The following ZSWIM6 variants were observed in gnomAD, a reference collection of about 807,000 sequenced individuals.
ZSWIM6 encodes the protein zinc finger SWIM domain-containing protein 6.
ZSWIM6 carries 9 observed loss-of-function variants against 113.2 expected under a neutral mutation model. That is an observed-to-expected ratio of 0.08 (90% CI 0.05 to 0.14). The LOEUF is 0.14. Among genes scored for constraint, ZSWIM6 ranks in the 10% least tolerant of loss-of-function variants. The probability of loss-of-function intolerance (pLI) is 1.00; values close to 1 mark genes in which losing one functional copy is unlikely to be tolerated. For missense variants in ZSWIM6, 1,162 were observed against 1,552.2 expected, an observed-to-expected ratio of 0.75 and a Z score of 4.22; for synonymous variants, 611 against 606.5, an observed-to-expected ratio of 1.01 and a Z score of -0.11.
chr5:61,391,145 T>C, intron 1 of ZSWIM6: 1 of 781,532 alleles, frequency 1.3e-6, no homozygotes, highest in South Asian at 1.3e-5. Context: ...CGATGGGTCT[T>C]GTGGGGTAGC....
At chr5:61,421,766 T>C (rs149999767) in intron 1 of ZSWIM6, among the ~76,000 whole-genome samples, 12 of 152,374 alleles carry the variant, frequency 7.9e-5, no homozygotes, top group African/African-American at 2.6e-4. Context: ...TTGCTAAGAA[T>C]AGTGGCCTGT....
intron 1 of ZSWIM6, among the ~76,000 whole-genome samples, chr5:61,373,372 CTTTTTTTTTTT>C (rs748556109): frequency 1.9e-5 from 2 of 102,968 alleles, no homozygotes; most frequent in African/African-American, 4.1e-5. Context: ...CTCAGTATTT[CTTTTTTTTTTT>C]TTTTTTTTTT....
chr5:61,365,485 T>TA (rs372257965), intron 1 of ZSWIM6, among the ~76,000 whole-genome samples: 288 of 152,334 alleles, frequency 1.9e-3, no homozygotes, highest in African/African-American at 6.6e-3. Context: ...CAGTCCTTGA[T>TA]ATAGTTGCTG....
At chr5:61,420,934 T>A (rs1579987791) in intron 1 of ZSWIM6, among the ~76,000 whole-genome samples, 1 of 151,752 alleles carries the variant, frequency 6.6e-6, no homozygotes, top group Admixed American at 6.6e-5. Context: ...TTTTTCCTTC[T>A]TTTGAGATGG....
intron 1 of ZSWIM6, among the ~76,000 whole-genome samples, chr5:61,397,905 CTA>C (rs1579975222): frequency 6.6e-6 from 1 of 152,208 alleles, no homozygotes; most frequent in Non-Finnish European, 1.5e-5. Flanking sequence ...ATTAATGTAA[CTA>C]TTAAGAGACT....
At chr5:61,508,519 T>C (rs1748689831) in intron 4 of ZSWIM6, among the ~76,000 whole-genome samples, 1 of 152,198 alleles carries the variant, frequency 6.6e-6, no homozygotes, top group East Asian at 1.9e-4. Flanking sequence ...ATTCTTATAC[T>C]CATTTGCAAA....
intron 2 of ZSWIM6, among the ~76,000 whole-genome samples, chr5:61,476,357 T>C (rs1747706722): frequency 6.6e-6 from 1 of 152,138 alleles, no homozygotes; most frequent in African/African-American, 2.4e-5. Flanking sequence ...TCAAGGAGAA[T>C]GAGTCTACTG....
chr5:61,491,064 A>G lies in ZSWIM6; in HGVS notation c.1182+130A>G, dbSNP rs1358001082. On this transcript the variant is annotated intron_variant, in intron 3 of 13. Transcript: ENST00000252744. ...GAACAGGGTCTTAGCTGACCAATAG[A>G]AACTTTTGTATTGTAATGCAAGCTA... The G allele has an allele frequency of 4.9e-6, 4 of 811,780 alleles. No individual in the cohort carries two copies. In the African/African-American group the frequency reaches 7.2e-5, roughly 15 times the overall value. The allele number at this position is 811,780 out of a possible 1,614,324, so 50.3% of individuals were successfully genotyped here.
Position 61,332,753 on chromosome 5 carries a change from GCAACCT to G in ZSWIM6, c.483_488del (p.Thr162_Ser163del), listed in dbSNP as rs1744284627. 2 of 2,520 alleles carry G rather than the reference GCAACCT, an allele frequency of 7.9e-4. No individual in the cohort carries two copies. Among genetic ancestry groups the G allele is most frequent in the Admixed American group, 0.019 (2 of 106 alleles). The allele number at this position is 2,520 out of a possible 1,614,324, so 0.2% of individuals were successfully genotyped here. ...CGGCGGCTCCTCGTCTTCCCCGGCC[GCAACCT>G]CGGCGGCCGCAACCTCGGCCGCCGC... On this transcript the variant is annotated inframe_deletion, in exon 1 of 14. Transcript: ENST00000252744.
chr5:61,501,194 C>T (rs567361370), intron 4 of ZSWIM6, among the ~76,000 whole-genome samples: 1 of 152,270 alleles, frequency 6.6e-6, no homozygotes, highest in African/African-American at 2.4e-5. Flanking sequence ...AAACTCAGAA[C>T]TCTGTATTCT....
intron 1 of ZSWIM6, chr5:61,375,974 C>G: frequency 1.7e-6 from 1 of 582,002 alleles, no homozygotes; most frequent in Admixed American, 3.4e-5. Flanking sequence ...AGAATTATTC[C>G]TGGACTATTC....
chr5:61,391,646 C>G, intron 1 of ZSWIM6: 1 of 971,712 alleles, frequency 1.0e-6, no homozygotes, highest in Admixed American at 1.7e-5. Flanking sequence ...ACAATGGTCA[C>G]AGCCTCTATC....
At chr5:61,501,463 C>T (rs955281596) in intron 4 of ZSWIM6, among the ~76,000 whole-genome samples, 7 of 152,070 alleles carry the variant, frequency 4.6e-5, no homozygotes, top group South Asian at 2.1e-4. Flanking sequence ...CTTTAAAATA[C>T]GAATTAAAAA....
intron 1 of ZSWIM6, among the ~76,000 whole-genome samples, chr5:61,392,514 A>G (rs1014926111): frequency 1.3e-5 from 2 of 152,230 alleles, no homozygotes; most frequent in African/African-American, 2.4e-5. Context: ...ATATGCACGC[A>G]TGTGTGCTCA....
chr5:61,336,498 T>C (rs559418151), intron 1 of ZSWIM6, among the ~76,000 whole-genome samples: 2 of 151,328 alleles, frequency 1.3e-5, no homozygotes, highest in South Asian at 4.2e-4. Flanking sequence ...TGAGTCGCGC[T>C]TGTAATCCCA....
chr5:61,353,114 G>A (rs568289804), intron 1 of ZSWIM6, among the ~76,000 whole-genome samples: 1 of 152,170 alleles, frequency 6.6e-6, no homozygotes, highest in African/African-American at 2.4e-5. Context: ...TAAGTAGCAG[G>A]GTAGAATGAT....
intron 2 of ZSWIM6, among the ~76,000 whole-genome samples, chr5:61,484,357 C>T (rs1445203394): frequency 1.3e-5 from 2 of 152,030 alleles, no homozygotes; most frequent in African/African-American, 2.4e-5. Flanking sequence ...AGATGTTTTT[C>T]GAGATGGAAG....
intron 13 of ZSWIM6, among the ~76,000 whole-genome samples, chr5:61,542,983 T>C (rs945964713): frequency 4.6e-5 from 7 of 152,236 alleles, no homozygotes; most frequent in Non-Finnish European, 1.0e-4. Flanking sequence ...CTATTGACTT[T>C]GTTCTCTTGA....
At chr5:61,464,555 A>G (rs1197530767) in intron 1 of ZSWIM6, among the ~76,000 whole-genome samples, 1 of 152,074 alleles carries the variant, frequency 6.6e-6, no homozygotes, top group East Asian at 1.9e-4. Context: ...GGCATAGGGC[A>G]AGGCATTAGG....
Sources: allele counts gnomAD v4.1 joint callset (sites outside exome capture counted in the v4.1 genomes callset), GRCh38; gene constraint gnomAD v4.1.1; transcripts MANE v1.5; gene names NCBI Gene and HGNC (gene_info 2026-07-23, HGNC 2026-07-21).